The following PHKA1 variants were observed in gnomAD, a reference collection of about 807,000 sequenced individuals.
PHKA1 encodes phosphorylase b kinase regulatory subunit alpha, skeletal muscle isoform.
A neutral mutation model predicts 110.2 loss-of-function variants in PHKA1; 60 were observed. The observed-to-expected ratio is 0.54, with a 90% CI of 0.44 to 0.68. The LOEUF (loss-of-function observed/expected upper bound fraction) is 0.68. Ranked by LOEUF, PHKA1 falls within the 30% of genes least tolerant of loss-of-function variation. The pLI is 0.00. For synonymous variants in PHKA1, 316 were observed against 333.6 expected, an observed-to-expected ratio of 0.95 and a Z score of 0.58; for missense variants, 801 against 942.5, an observed-to-expected ratio of 0.85 and a Z score of 1.97.
chrX:72,599,826 G>A (rs782140155), intron 28 of PHKA1: 12 of 547,582 alleles, frequency 2.2e-5, no homozygotes, highest in South Asian at 9.8e-5. Context: ...CATAAAAGAC[G>A]GTGACATCAA....
At chrX:72,605,507 C>A in intron 24 of PHKA1, 34 bp downstream of exon 24, 1 of 1,168,227 alleles carries the variant, frequency 8.6e-7, no homozygotes, top group East Asian at 3.0e-5. Context: ...TTTAAAATAT[C>A]AGTCACCAGA....
At chrX:72,595,602 T>C (rs1202124716) in intron 28 of PHKA1, among the ~76,000 whole-genome samples, 4 of 112,125 alleles carry the variant, frequency 3.6e-5, no homozygotes, top group Non-Finnish European at 7.5e-5. Flanking sequence ...TTTCATGATA[T>C]AAGATCAATA....
chrX:72,624,324 C>T (rs1235710171), intron 17 of PHKA1, among the ~76,000 whole-genome samples: 1 of 111,651 alleles, frequency 9.0e-6, no homozygotes, highest in Non-Finnish European at 1.9e-5. Context: ...TCTACACCTC[C>T]CTCAGTTCCT....
At chrX:72,666,356 A>G (rs2147780078) in intron 7 of PHKA1, 59 bp from the exon 8 acceptor site, 2 of 960,524 alleles carry the variant, frequency 2.1e-6, no homozygotes, top group South Asian at 4.0e-5. Context: ...CTTTACCCCA[A>G]TATCTTATCA....
At chrX:72,592,796 C>A (rs1206054721) in intron 29 of PHKA1, among the ~76,000 whole-genome samples, 1 of 112,254 alleles carries the variant, frequency 8.9e-6, no homozygotes, top group Non-Finnish European at 1.9e-5. Flanking sequence ...TCTTTAGTAA[C>A]AAATTCGTTT....
chrX:72,598,667 G>A (rs1403456962), intron 28 of PHKA1, among the ~76,000 whole-genome samples: 1 of 111,578 alleles, frequency 9.0e-6, no homozygotes, highest in Non-Finnish European at 1.9e-5. Flanking sequence ...ATATTATTCA[G>A]CAATGAAAAA....
At chrX:72,665,542 C>T (rs2053607495) in intron 8 of PHKA1, among the ~76,000 whole-genome samples, 1 of 111,310 alleles carries the variant, frequency 9.0e-6, no homozygotes, top group East Asian at 2.8e-4. Context: ...CCAGCAGTAC[C>T]CTGAAACCAA....
intron 2 of PHKA1, among the ~76,000 whole-genome samples, chrX:72,711,744 A>G (rs908635713): frequency 8.9e-6 from 1 of 111,882 alleles, no homozygotes; most frequent in Non-Finnish European, 1.9e-5. Context: ...CTCCGTCTCA[A>G]CAACAACAAA....
intron 2 of PHKA1, among the ~76,000 whole-genome samples, chrX:72,705,664 C>T (rs1416314577): frequency 2.7e-5 from 3 of 111,978 alleles, no homozygotes. Flanking sequence ...CAAGAGTCCA[C>T]AGAAATATTT....
intron 2 of PHKA1, among the ~76,000 whole-genome samples, chrX:72,709,631 T>C (rs2054337147): frequency 9.0e-6 from 1 of 110,952 alleles, no homozygotes; most frequent in African/African-American, 3.3e-5. Flanking sequence ...TTCTTCACAC[T>C]GGCTATACAT....
intron 25 of PHKA1, 106 bp downstream of exon 25, chrX:72,605,165 T>C: frequency 1.3e-6 from 1 of 763,797 alleles, no homozygotes; most frequent in East Asian, 3.4e-5. Flanking sequence ...ATCCAGCTTC[T>C]GAGCTATGGA....
Position 72,636,305 on chromosome X carries a change from C to T in PHKA1, c.1541G>A (p.Arg514Gln), listed in dbSNP as rs1203966257. ...TGGAGTGAAAGTAAAGATAGTTTTCCGAATGTCATAGAGTTTTGAAGTTCC... is the reference window on the plus strand; with the variant it reads ...TGGAGTGAAAGTAAAGATAGTTTTCTGAATGTCATAGAGTTTTGAAGTTCC... ...VLGTSKLYDI[R>Q]KTIFTFTPQF... The change falls in exon 15 of 32, where the codon CGG becomes CAG. Residue 514 changes from arginine (R) to glutamine (Q), a missense_variant. Around this residue, in one of 2 missense-constraint regions of PHKA1, gnomAD observed 299 missense variants for 423.3 expected, o/e 0.71. Transcript: ENST00000373542. 8.3e-7 allele frequency: 1 copy of T among 1,198,722 alleles called. No homozygotes were observed. Among genetic ancestry groups the T allele is most frequent in the East Asian group, 3.0e-5 (1 of 33,769 alleles).
chrX:72,591,116 T>A (rs186286804), intron 29 of PHKA1, among the ~76,000 whole-genome samples: 1 of 112,139 alleles, frequency 8.9e-6, no homozygotes, highest in East Asian at 2.8e-4. Context: ...TGCACATGTA[T>A]GTTTATTGCG....
At chrX:72,626,554 C>T (rs868971323) in intron 17 of PHKA1, among the ~76,000 whole-genome samples, 2 of 110,929 alleles carry the variant, frequency 1.8e-5, no homozygotes, top group Non-Finnish European at 3.8e-5. Flanking sequence ...AGTTAGCCCC[C>T]GCTTACTCCT....
intron 4 of PHKA1, among the ~76,000 whole-genome samples, chrX:72,694,575 T>C (rs906403430): frequency 8.9e-6 from 1 of 112,237 alleles, no homozygotes; most frequent in African/African-American, 3.2e-5. Flanking sequence ...TCCCTTCCCT[T>C]CTCTGATTTG....
At chrX:72,616,277 AG>A (rs2052895978) in intron 21 of PHKA1, among the ~76,000 whole-genome samples, 1 of 112,090 alleles carries the variant, frequency 8.9e-6, no homozygotes, top group Non-Finnish European at 1.9e-5. Context: ...CTGAAGTTGG[AG>A]GGTCACTTGA....
chrX:72,626,059 T>C (rs1253642042), intron 17 of PHKA1, among the ~76,000 whole-genome samples: 1 of 106,138 alleles, frequency 9.4e-6, no homozygotes, highest in Non-Finnish European at 1.9e-5. Context: ...AAAAAGCATG[T>C]GTGTACATGT....
chrX:72,680,744 G>A lies in PHKA1; in HGVS notation c.537+3754C>T, dbSNP rs1319817399. On this transcript the variant is annotated intron_variant, in intron 5 of 31. Coordinates refer to ENST00000373542, the MANE Select transcript of PHKA1 (RefSeq NM_002637.4). ...AGCGGAGCCGCTGCCGCGACCGACC[G>A]CAGCCGCCGCCGCCCGACCGCCGGG... Among the ~76,000 whole-genome samples the A allele has an allele frequency of 6.3e-5, 6 of 95,960 alleles. 1 individual carries two copies. The highest frequency in any genetic ancestry group is 1.0e-4 in the Non-Finnish European group (5 of 49,071). 83.3% of individuals were successfully genotyped at this position (95,960 alleles called of 115,157 possible).
intron 21 of PHKA1, among the ~76,000 whole-genome samples, chrX:72,617,529 A>G (rs1293278002): frequency 9.0e-6 from 1 of 111,366 alleles, no homozygotes; most frequent in Non-Finnish European, 1.9e-5. Flanking sequence ...CAAAATCAAA[A>G]AAAGAAGATG....
Sources: gnomAD v4.1 joint callset for allele counts (sites outside exome capture counted in the v4.1 genomes callset) on GRCh38, gnomAD v4.1.1 for gene constraint, gnomAD v4.1.1 regional missense constraint, MANE v1.5 for transcripts, NCBI Gene and HGNC (gene_info 2026-07-23, HGNC 2026-07-21) for gene names.